The following LHFPL6 variants were observed in gnomAD, a reference collection of about 807,000 sequenced individuals.
LHFPL6 encodes the protein LHFPL tetraspan subfamily member 6.
A neutral mutation model predicts 20.6 loss-of-function variants in LHFPL6; 9 were observed. That is an observed-to-expected ratio of 0.44 (90% CI 0.26 to 0.76). The LOEUF (loss-of-function observed/expected upper bound fraction) is 0.76, where lower values mean the gene tolerates loss of function less well. LHFPL6 is among the 30% of genes least tolerant of loss of function. LHFPL6 has a pLI of 0.20. For synonymous variants in LHFPL6, 105 were observed against 98.7 expected (o/e 1.06, Z -0.38); for missense variants, 218 against 253.5 (o/e 0.86, Z 0.95).
chr13:39,395,622 G>T (rs1227064082), intron 2 of LHFPL6, among the ~76,000 whole-genome samples: 1 of 152,220 alleles, frequency 6.6e-6, no homozygotes, highest in Non-Finnish European at 1.5e-5. Context: ...CAGGGTTTCT[G>T]CTGTGGAGTC....
intron 2 of LHFPL6, among the ~76,000 whole-genome samples, chr13:39,406,297 T>A (rs920265841): frequency 1.3e-5 from 2 of 152,176 alleles, no homozygotes; most frequent in Non-Finnish European, 2.9e-5. Flanking sequence ...CTAGAATTTA[T>A]TTTTTTCAAA....
intron 2 of LHFPL6, among the ~76,000 whole-genome samples, chr13:39,579,581 T>A (rs1872216924): frequency 6.6e-6 from 1 of 152,220 alleles, no homozygotes; most frequent in Non-Finnish European, 1.5e-5. Flanking sequence ...AAAATTTTTT[T>A]ATCTTTTTCT....
chr13:39,534,069 A>G (rs1415316676), intron 2 of LHFPL6, among the ~76,000 whole-genome samples: 1 of 152,212 alleles, frequency 6.6e-6, no homozygotes, highest in Admixed American at 6.5e-5. Context: ...AATTAGATCT[A>G]TAACACCAAA....
At chr13:39,411,697 G>A (rs1337739165) in intron 2 of LHFPL6, among the ~76,000 whole-genome samples, 2 of 152,196 alleles carry the variant, frequency 1.3e-5, no homozygotes, top group African/African-American at 2.4e-5. Context: ...ATCTGTGTGG[G>A]AATGTTATGA....
At chr13:39,548,916 T>C (rs1871063441) in intron 2 of LHFPL6, among the ~76,000 whole-genome samples, 1 of 152,078 alleles carries the variant, frequency 6.6e-6, no homozygotes, top group Admixed American at 6.5e-5. Context: ...TAACTTAGAC[T>C]TGATCAAAAT....
intron 2 of LHFPL6, among the ~76,000 whole-genome samples, chr13:39,382,932 C>T (rs1398574161): frequency 6.6e-6 from 1 of 152,020 alleles, no homozygotes; most frequent in Non-Finnish European, 1.5e-5. Flanking sequence ...ATTTGAGAAA[C>T]ATTTCTGGGA....
At chr13:39,486,129 T>C (rs1868717272) in intron 2 of LHFPL6, among the ~76,000 whole-genome samples, 1 of 152,096 alleles carries the variant, frequency 6.6e-6, no homozygotes, top group South Asian at 2.1e-4. Flanking sequence ...GATAGAACCA[T>C]TTGCAGGTCT....
intron 2 of LHFPL6, among the ~76,000 whole-genome samples, chr13:39,432,492 C>T (rs561947629): frequency 5.0e-4 from 76 of 152,074 alleles, no homozygotes; most frequent in African/African-American, 1.6e-3. Context: ...CTGCAGGGTT[C>T]AACCTCTCTC....
intron 2 of LHFPL6, among the ~76,000 whole-genome samples, chr13:39,402,876 G>A (rs1871027930): frequency 6.6e-6 from 1 of 152,174 alleles, no homozygotes; most frequent in African/African-American, 2.4e-5. Context: ...TAAAATCCCT[G>A]CCTTGTCTTT....
intron 2 of LHFPL6, among the ~76,000 whole-genome samples, chr13:39,404,697 T>C (rs7988347): frequency 0.87 from 132,652 of 152,176 alleles, 57,902 homozygotes; most frequent in Admixed American, 0.92. Flanking sequence ...CTGCCATTTA[T>C]GAGCTCCATC....
intron 3 of LHFPL6, among the ~76,000 whole-genome samples, chr13:39,359,292 A>G (rs1005143524): frequency 1.3e-5 from 2 of 152,238 alleles, no homozygotes; most frequent in Non-Finnish European, 2.9e-5. Context: ...AAGAACTAAG[A>G]GTTGAACTAC....
In LHFPL6 at chr13:39,602,138, T is replaced by C. The variant is rs1227300872; in HGVS notation, c.-175+745A>G. Among the ~76,000 whole-genome samples, 2 of 152,212 alleles carry C rather than the reference T, an allele frequency of 1.3e-5. 1 individual carries two copies. The highest frequency in any genetic ancestry group is 2.9e-5 in the Non-Finnish European group (2 of 68,036). On this transcript the variant is annotated intron_variant, in intron 1 of 3. Coordinates refer to ENST00000379589, the MANE Select transcript of LHFPL6 (RefSeq NM_005780.3). ...GAACAGCAATCCATACTTCCCAGTA[T>C]GCTACATCAAACCCCAGTCATCCAA...
chr13:39,506,374 G>C (rs1869484887), intron 2 of LHFPL6, among the ~76,000 whole-genome samples: 1 of 152,138 alleles, frequency 6.6e-6, no homozygotes, highest in Non-Finnish European at 1.5e-5. Flanking sequence ...TGAATACGAA[G>C]ACCAACTGTG....
chr13:39,583,339 ATTT>A (rs893826785), intron 2 of LHFPL6, among the ~76,000 whole-genome samples: 8 of 151,908 alleles, frequency 5.3e-5, no homozygotes, highest in African/African-American at 1.9e-4. Flanking sequence ...TGCCTGGATA[ATTT>A]TTATGTATTT....
chr13:39,401,261 T>C (rs919775830), intron 2 of LHFPL6, among the ~76,000 whole-genome samples: 3 of 152,224 alleles, frequency 2.0e-5, no homozygotes, highest in African/African-American at 7.2e-5. Flanking sequence ...ATGAACCTGT[T>C]ACATAACAAT....
At chr13:39,368,505 C>T (rs946114815) in intron 3 of LHFPL6, among the ~76,000 whole-genome samples, 5 of 152,054 alleles carry the variant, frequency 3.3e-5, no homozygotes, top group African/African-American at 1.2e-4. Context: ...TCTCTTGAAC[C>T]TGAAAGGTGG....
intron 2 of LHFPL6, among the ~76,000 whole-genome samples, chr13:39,410,387 T>C (rs1483276781): frequency 1.3e-5 from 2 of 152,192 alleles, no homozygotes; most frequent in South Asian, 2.1e-4. Context: ...TGAATGAAGA[T>C]AGCAGCCCCC....
At position 39,379,910 on chromosome 13, in the gene LHFPL6, C is replaced by A. The variant is rs569742590; in HGVS notation, c.386-1384G>T. Among the ~76,000 whole-genome samples the A allele has an allele frequency of 3.9e-5, 6 of 152,326 alleles. No homozygotes were observed. The South Asian group carries it at 8.3e-4, about 21-fold the overall frequency. On this transcript the variant is annotated intron_variant, in intron 2 of 3. Coordinates refer to ENST00000379589, the MANE Select transcript of LHFPL6 (RefSeq NM_005780.3). ...AAAGAATGATTGAAACTATGAATCA[C>A]TAGTCTCAGGATGTCCTACATGCAA...
intron 2 of LHFPL6, among the ~76,000 whole-genome samples, chr13:39,592,369 T>G (rs561745632): frequency 6.6e-6 from 1 of 152,258 alleles, no homozygotes; most frequent in African/African-American, 2.4e-5. Flanking sequence ...CTAGAAAATC[T>G]AGAAGAAATG....
Sources: gnomAD v4.1 joint callset for allele counts (sites outside exome capture counted in the v4.1 genomes callset) on GRCh38, gnomAD v4.1.1 for gene constraint, MANE v1.5 for transcripts, NCBI Gene and HGNC (gene_info 2026-07-23, HGNC 2026-07-21) for gene names.